Variants in FGGY observed in about 807,000 individuals in gnomAD.
FGGY encodes the protein FGGY carbohydrate kinase domain-containing protein.
Under a neutral mutation model 71.3 loss-of-function variants are expected in FGGY, and 72 were observed. The observed-to-expected ratio is 1.01, with a 90% confidence interval of 0.84 to 1.23. The LOEUF (loss-of-function observed/expected upper bound fraction) is 1.23, where lower values mean the gene tolerates loss of function less well. Ranked by LOEUF, FGGY falls within the 50% of genes most tolerant of loss-of-function variation. FGGY has a pLI of 0.00. For synonymous variants in FGGY, 251 were observed against 250.3 expected (o/e 1.00, Z -0.02); for missense variants, 668 against 682.3 (o/e 0.98, Z 0.23).
intron 6 of FGGY, among the ~76,000 whole-genome samples, chr1:59,491,053 T>TCTTTCTCTCCCTCCCTCCCTCCCTCCCTC (rs1264370825): frequency 4.9e-4 from 1 of 2,034 alleles, no homozygotes; most frequent in African/African-American, 4.6e-3. Flanking sequence ...CTTCCTTCCT[T>TCTTTCTCTCCCTCCCTCCCTCCCTCCCTC]CCTTCCTTCC....
intron 1 of FGGY, among the ~76,000 whole-genome samples, chr1:59,312,788 T>G (rs2044611280): frequency 6.6e-6 from 1 of 152,222 alleles, no homozygotes; most frequent in African/African-American, 2.4e-5. Context: ...TTATGGTTTT[T>G]GGCCACCATT....
chr1:59,540,008 C>T (rs149607322), intron 7 of FGGY, among the ~76,000 whole-genome samples: 18 of 152,212 alleles, frequency 1.2e-4, no homozygotes, highest in African/African-American at 3.6e-4. Context: ...CAATAAGATA[C>T]GAAAAATTGT....
rs117225359 is a variant in FGGY, at chr1:59,451,230, C to A, written c.555-5731C>A. ...TGGTTACATTCTCATTCCTTATAAC[C>A]AACAATAAACTTATGTTCTGCCTAA... On this transcript the variant is annotated intron_variant, in intron 5 of 15. Coordinates refer to ENST00000303721, the MANE Select transcript of FGGY (RefSeq NM_018291.5). Among the ~76,000 whole-genome samples, 197 of 151,996 alleles carry A rather than the reference C, an allele frequency of 1.3e-3. 6 individuals are homozygous for A. The East Asian group carries it at 0.037, about 29-fold the overall frequency.
chr1:59,484,630 G>A (rs1298344598), intron 6 of FGGY, among the ~76,000 whole-genome samples: 1 of 152,038 alleles, frequency 6.6e-6, no homozygotes, highest in Non-Finnish European at 1.5e-5. Context: ...ACTCTCACTT[G>A]CATTATTTTA....
chr1:59,561,126 A>G (rs1014710594), intron 8 of FGGY, among the ~76,000 whole-genome samples: 5 of 152,204 alleles, frequency 3.3e-5, no homozygotes, highest in African/African-American at 1.2e-4. Flanking sequence ...AAGTGGGACC[A>G]GTTTCTCTGT....
intron 1 of FGGY, among the ~76,000 whole-genome samples, chr1:59,297,712 T>C (rs906118975): frequency 6.6e-6 from 1 of 151,508 alleles, no homozygotes; most frequent in Admixed American, 6.6e-5. Context: ...AGTCCCAGCT[T>C]CTCGGGAGGC....
intron 1 of FGGY, among the ~76,000 whole-genome samples, chr1:59,309,764 C>G (rs2043972389): frequency 6.6e-6 from 1 of 151,956 alleles, no homozygotes; most frequent in Non-Finnish European, 1.5e-5. Flanking sequence ...TCACTTAAGG[C>G]CAGGAATTCG....
At chr1:59,378,880 C>A (rs1310443947) in intron 5 of FGGY, 43 bp downstream of exon 5, 1 of 1,483,570 alleles carries the variant, frequency 6.7e-7, no homozygotes, top group Non-Finnish European at 9.4e-7. Flanking sequence ...TTCTTCCATT[C>A]TTGGATGTCT....
chr1:59,471,998 G>A (rs951142840), intron 6 of FGGY, among the ~76,000 whole-genome samples: 5 of 152,242 alleles, frequency 3.3e-5, no homozygotes, highest in African/African-American at 9.6e-5. Context: ...CTCGCTCTCC[G>A]CGCCTCCTCT....
intron 8 of FGGY, among the ~76,000 whole-genome samples, chr1:59,582,714 G>T (rs745345321): frequency 1.9e-4 from 28 of 150,124 alleles, no homozygotes; most frequent in Non-Finnish European, 3.7e-4. Flanking sequence ...TGTGTTTGTT[G>T]TTAGTTAACT....
intron 6 of FGGY, among the ~76,000 whole-genome samples, chr1:59,505,337 T>A (rs2094350472): frequency 6.6e-6 from 1 of 152,218 alleles, no homozygotes; most frequent in Admixed American, 6.5e-5. Context: ...CAGGTACTCA[T>A]TAAACATTTC....
chr1:59,533,216 T>A (rs2095206519), intron 7 of FGGY, among the ~76,000 whole-genome samples: 1 of 150,824 alleles, frequency 6.6e-6, no homozygotes, highest in Non-Finnish European at 1.5e-5. Context: ...GGTCAGGGAG[T>A]TCCCTTTCCT....
At chr1:59,379,972 T>A (rs1192573099) in intron 5 of FGGY, among the ~76,000 whole-genome samples, 2 of 151,836 alleles carry the variant, frequency 1.3e-5, no homozygotes, top group East Asian at 1.9e-4. Flanking sequence ...CAGGCCCCAG[T>A]GTGTGATGTT....
chr1:59,352,059 A>C (rs2153224574), intron 4 of FGGY, among the ~76,000 whole-genome samples: 1 of 152,336 alleles, frequency 6.6e-6, no homozygotes, highest in Admixed American at 6.5e-5. Flanking sequence ...GTCAGATGAA[A>C]GGAAAAATGC....
At chr1:59,677,940 C>T (rs1386689832) in intron 14 of FGGY, among the ~76,000 whole-genome samples, 2 of 152,080 alleles carry the variant, frequency 1.3e-5, no homozygotes, top group South Asian at 2.1e-4. Context: ...TTGTCAAATT[C>T]GGATCTCACA....
intron 8 of FGGY, among the ~76,000 whole-genome samples, chr1:59,582,371 C>A (rs188261112): frequency 6.7e-6 from 1 of 150,272 alleles, no homozygotes. Context: ...TATTCTTCTC[C>A]TTTTGCACTG....
chr1:59,554,352 T>G, intron 8 of FGGY, 125 bp downstream of exon 8: 1 of 664,586 alleles, frequency 1.5e-6, no homozygotes, highest in Non-Finnish European at 2.5e-6. Flanking sequence ...CCCTTGTGCT[T>G]TGTCTAGCCA....
intron 4 of FGGY, among the ~76,000 whole-genome samples, chr1:59,370,630 G>GA (rs1423341135): frequency 6.6e-6 from 1 of 151,672 alleles, no homozygotes; most frequent in African/African-American, 2.4e-5. Context: ...TGAAATGAAG[G>GA]AAAAAATGTT....
At chr1:59,623,176 C>T (rs964339372) in intron 9 of FGGY, among the ~76,000 whole-genome samples, 1 of 152,132 alleles carries the variant, frequency 6.6e-6, no homozygotes, top group African/African-American at 2.4e-5. Context: ...GTCTGCATTT[C>T]CTATTCTCCA....
Sources: gnomAD v4.1 joint callset for allele counts (sites outside exome capture counted in the v4.1 genomes callset) on GRCh38, gnomAD v4.1.1 for gene constraint, MANE v1.5 for transcripts, NCBI Gene and HGNC (gene_info 2026-07-23, HGNC 2026-07-21) for gene names.